The following ZNF679 variants were observed in gnomAD, a reference collection of about 807,000 sequenced individuals.
ZNF679 encodes the protein hypothetical protein MGC42415.
Under a neutral mutation model 13.4 loss-of-function variants are expected in ZNF679, and 10 were observed. The observed-to-expected ratio is 0.75, with a 90% CI of 0.46 to 1.27. ZNF679 has a LOEUF of 1.27. Ranked by LOEUF, ZNF679 falls within the 50% of genes most tolerant of loss-of-function variation. ZNF679 has a pLI of 0.00. For synonymous variants in ZNF679, 179 were observed against 162.5 expected, an observed-to-expected ratio of 1.10 and a Z score of -0.77; for missense variants, 525 against 477.8, an observed-to-expected ratio of 1.10 and a Z score of -0.92.
intron 1 of ZNF679, among the ~76,000 whole-genome samples, chr7:64,243,790 C>T (rs1210157112): frequency 3.9e-5 from 6 of 152,220 alleles, no homozygotes; most frequent in Non-Finnish European, 8.8e-5. Flanking sequence ...GTCACAATCA[C>T]GTCTGTGAAA....
At chr7:64,249,443 G>A (rs1318924288) in intron 2 of ZNF679, among the ~76,000 whole-genome samples, 1 of 152,198 alleles carries the variant, frequency 6.6e-6, no homozygotes, top group Non-Finnish European at 1.5e-5. Context: ...AGATTGTACA[G>A]GGATGGGAAA....
At chr7:64,245,624 A>T (rs1787859085) in intron 1 of ZNF679, among the ~76,000 whole-genome samples, 1 of 152,160 alleles carries the variant, frequency 6.6e-6, no homozygotes, top group Non-Finnish European at 1.5e-5. Flanking sequence ...TTCCCACTTT[A>T]GGGAGGAAAA....
At chr7:64,262,451 G>A (rs1374321852) in intron 4 of ZNF679, among the ~76,000 whole-genome samples, 4 of 151,994 alleles carry the variant, frequency 2.6e-5, no homozygotes, top group Admixed American at 6.6e-5. Flanking sequence ...TAAGAATTTC[G>A]TTAGTTTTTT....
At chr7:64,231,801 A>C (rs1050440865) in intron 1 of ZNF679, among the ~76,000 whole-genome samples, 5 of 152,112 alleles carry the variant, frequency 3.3e-5, no homozygotes, top group African/African-American at 7.2e-5. Context: ...AATTTCAACT[A>C]TTGGCTGGGC....
chr7:64,236,969 GA>G (rs747350723), intron 1 of ZNF679, among the ~76,000 whole-genome samples: 13 of 33,616 alleles, frequency 3.9e-4, no homozygotes, highest in East Asian at 1.1e-3. Context: ...AAGAAAGAAA[GA>G]AAGAAAAAGA....
At chr7:64,248,535 CTCCCAAAGTGCT>C (rs1395447375) in intron 1 of ZNF679, among the ~76,000 whole-genome samples, 13 of 152,214 alleles carry the variant, frequency 8.5e-5, no homozygotes, top group Admixed American at 3.3e-4. Context: ...CCGCCTCACC[CTCCCAAAGTGCT>C]GGGATTACAG....
intron 1 of ZNF679, among the ~76,000 whole-genome samples, chr7:64,246,672 G>A (rs1584230538): frequency 6.6e-6 from 1 of 151,912 alleles, no homozygotes; most frequent in Admixed American, 6.6e-5. Context: ...GCAGTGAGCC[G>A]AGATGGTGCC....
At chr7:64,239,998 C>T (rs761847838) in intron 1 of ZNF679, among the ~76,000 whole-genome samples, 16 of 152,212 alleles carry the variant, frequency 1.1e-4, no homozygotes, top group Non-Finnish European at 2.4e-4. Context: ...TGATGTGACT[C>T]TGTTCTTCTA....
chr7:64,266,517 C>T lies in ZNF679; in HGVS notation c.884C>T (p.Pro295Leu). Residue 295 changes from proline (P) to leucine (L), a missense_variant, in exon 5 of 5, where the codon CCA becomes CTA. Transcript: ENST00000421025. ...NHKRIHTGEK[P>L]YTCEECGKAF... Reference sequence around the variant, plus strand: ...AAGAGAATTCATACTGGAGAGAAACCATACACATGTGAAGAATGTGGCAAA... The same window carrying T: ...AAGAGAATTCATACTGGAGAGAAACTATACACATGTGAAGAATGTGGCAAA... The T allele has an allele frequency of 6.2e-7, 1 of 1,613,584 alleles. No individual in the cohort carries two copies. Among genetic ancestry groups the T allele is most frequent in the Non-Finnish European group, 8.5e-7 (1 of 1,179,782 alleles).
intron 4 of ZNF679, among the ~76,000 whole-genome samples, chr7:64,261,208 C>T (rs1238637308): frequency 3.3e-5 from 5 of 152,072 alleles, no homozygotes; most frequent in Non-Finnish European, 7.4e-5. Flanking sequence ...ACTGCTTTAC[C>T]ATTGTTTTGG....
chr7:64,231,727 T>G (rs956699956), intron 1 of ZNF679, among the ~76,000 whole-genome samples: 4 of 152,122 alleles, frequency 2.6e-5, no homozygotes, highest in Non-Finnish European at 4.4e-5. Context: ...ATGTAAAAAT[T>G]TCTCCTGAAG....
chr7:64,249,951 C>T (rs4718045), intron 2 of ZNF679, among the ~76,000 whole-genome samples: 45,754 of 151,988 alleles, frequency 0.3, 8,093 homozygotes, highest in East Asian at 0.65. Flanking sequence ...AAGCAGTTCT[C>T]ACGCCTCAGG....
chr7:64,264,278 A>G (rs1788114591), intron 4 of ZNF679, among the ~76,000 whole-genome samples: 1 of 151,900 alleles, frequency 6.6e-6, no homozygotes, highest in South Asian at 2.1e-4. Context: ...TCAGTTGCAT[A>G]GAAAAATTTG....
At chr7:64,246,166 G>C (rs1013641998) in intron 1 of ZNF679, among the ~76,000 whole-genome samples, 4 of 152,298 alleles carry the variant, frequency 2.6e-5, no homozygotes, top group African/African-American at 9.6e-5. Context: ...GTTTCGTCAA[G>C]TGTTCTTGCC....
intron 1 of ZNF679, among the ~76,000 whole-genome samples, chr7:64,242,295 A>T (rs949799219): frequency 6.6e-6 from 1 of 152,190 alleles, no homozygotes; most frequent in African/African-American, 2.4e-5. Context: ...AGAGAATCTC[A>T]CCTGTTTGCT....
At position 64,266,810 on chromosome 7, in the gene ZNF679, T is replaced by A. The variant is rs1788161480; in HGVS notation, c.1177T>A (p.Ser393Thr). The stretch of plus-strand genomic sequence containing the variant: ...ATGTGACAAAGCTTTTAAGTGGTCC[T>A]CAAGTCTTGCTAATCATAAGAGTAT... ...EECDKAFKWS[S>T]SLANHKSMHT... is the part of the protein sequence containing the mutation. Residue 393 changes from serine (S) to threonine (T), a missense_variant, in exon 5 of 5, where the codon TCA becomes ACA. Coordinates refer to ENST00000421025, the MANE Select transcript of ZNF679 (RefSeq NM_153363.3). The A allele has an allele frequency of 1.2e-6, 2 of 1,603,352 alleles. No homozygotes were observed. Among genetic ancestry groups the A allele is most frequent in the African/African-American group, 2.7e-5 (2 of 74,512 alleles).
At chr7:64,237,001 A>AAAAGAAAG (rs1554369182) in intron 1 of ZNF679, among the ~76,000 whole-genome samples, 3 of 77,844 alleles carry the variant, frequency 3.9e-5, no homozygotes, top group Non-Finnish European at 7.0e-5. Context: ...GAAAGAAAGA[A>AAAAGAAAG]AAAGAAAGAA....
chr7:64,248,980 A>C (rs1787905489), intron 1 of ZNF679, 48 bp from the exon 2 acceptor site: 3 of 1,245,124 alleles, frequency 2.4e-6, no homozygotes, highest in Non-Finnish European at 2.3e-6. Flanking sequence ...TGGAGAGAAC[A>C]GGATGCCTCC....
intron 4 of ZNF679, among the ~76,000 whole-genome samples, chr7:64,262,387 T>C (rs1426582604): frequency 6.6e-6 from 1 of 152,250 alleles, no homozygotes; most frequent in Admixed American, 6.5e-5. Flanking sequence ...TGATGGCATG[T>C]CTAAGAAAAT....
Sources: allele counts gnomAD v4.1 joint callset (sites outside exome capture counted in the v4.1 genomes callset), GRCh38; gene constraint gnomAD v4.1.1; transcripts MANE v1.5; gene names NCBI Gene and HGNC (gene_info 2026-07-23, HGNC 2026-07-21).